The following ANKRD2 variants were observed in gnomAD, a reference collection of about 807,000 sequenced individuals.
ANKRD2 encodes the protein ankyrin repeat domain-containing protein 2.
Under a neutral mutation model 37.3 loss-of-function variants are expected in ANKRD2, and 35 were observed. That is an observed-to-expected ratio of 0.94 (90% confidence interval 0.72 to 1.24). ANKRD2 has a LOEUF of 1.24. Among genes scored for constraint, ANKRD2 ranks in the 50% most tolerant of loss-of-function variants. The probability of loss-of-function intolerance (pLI) is 0.00; values close to 1 mark genes in which losing one functional copy is unlikely to be tolerated. For synonymous variants in ANKRD2, 159 were observed against 186.5 expected, an observed-to-expected ratio of 0.85 and a Z score of 1.20; for missense variants, 410 against 445.6, an observed-to-expected ratio of 0.92 and a Z score of 0.72.
intron 2 of ANKRD2, 96 bp from the exon 3 acceptor site, chr10:97,578,144 G>GCCCCCCCCCCCCCCCCCC: frequency 2.9e-6 from 2 of 685,444 alleles, no homozygotes; most frequent in East Asian, 2.7e-5. Flanking sequence ...GGGTCTTCCT[G>GCCCCCCCCCCCCCCCCCC]CCCACCCCAC....
At chr10:97,582,743 A>C in intron 8 of ANKRD2, 41 bp downstream of exon 8, 1 of 1,584,418 alleles carries the variant, frequency 6.3e-7, no homozygotes, top group South Asian at 1.1e-5. Flanking sequence ...TGGCGTGAGC[A>C]CTCATACAGT....
rs185681198 is a variant in ANKRD2 at position 97,577,777 on chromosome 10, A to C, written c.88-23A>C. 3 of 1,535,988 alleles carry C rather than the reference A, an allele frequency of 2.0e-6. No homozygotes were observed. In the African/African-American group the frequency reaches 4.1e-5, roughly 21 times the overall value. On this transcript the variant is annotated intron_variant, in intron 1 of 8. Transcript: ENST00000370655. Reference sequence around the variant, plus strand: ...TGCCTGTCTCCTCGGGTCCTGGAGAAGGTGCCCTCTTTGGATCACCAGAAA... The same window carrying C: ...TGCCTGTCTCCTCGGGTCCTGGAGACGGTGCCCTCTTTGGATCACCAGAAA...
At chr10:97,572,958 A>T (rs1006614616) in intron 1 of ANKRD2, 83 bp downstream of exon 1, 1 of 1,478,778 alleles carries the variant, frequency 6.8e-7, no homozygotes, top group Non-Finnish European at 9.1e-7. Flanking sequence ...TGTCTGCTAC[A>T]CCTGTGGTGG....
At chr10:97,578,036 T>C in intron 2 of ANKRD2, 135 bp downstream of exon 2, 1 of 1,079,704 alleles carries the variant, frequency 9.3e-7, no homozygotes. Context: ...CTGCAGAATC[T>C]CCGCCCCGTC....
chr10:97,577,198 C>G (rs975605197), intron 1 of ANKRD2, among the ~76,000 whole-genome samples: 1 of 151,872 alleles, frequency 6.6e-6, no homozygotes, highest in Middle Eastern at 3.4e-3. Flanking sequence ...AAGATGGGGT[C>G]TCACTATATT....
At chr10:97,577,967 CCT>C (rs1344870677) in intron 2 of ANKRD2, 66 bp downstream of exon 2, 2 of 1,441,152 alleles carry the variant, frequency 1.4e-6, no homozygotes, top group African/African-American at 2.8e-5. Context: ...CCTGTCTGCA[CCT>C]CTCCCCACGT....
intron 1 of ANKRD2, among the ~76,000 whole-genome samples, chr10:97,576,918 G>A (rs931659843): frequency 6.6e-6 from 1 of 151,886 alleles, no homozygotes; most frequent in African/African-American, 2.4e-5. Flanking sequence ...GGCTGGTCTC[G>A]AACTCCTGGG....
chr10:97,581,548 C>A (rs757277307), intron 6 of ANKRD2, 134 bp downstream of exon 6: 14 of 885,664 alleles, frequency 1.6e-5, no homozygotes, highest in Non-Finnish European at 2.4e-5. Context: ...AGCAGGGAAG[C>A]TAAAACAGTG....
chr10:97,582,015 A>T (rs139906184), intron 6 of ANKRD2, among the ~76,000 whole-genome samples: 1 of 152,356 alleles, frequency 6.6e-6, no homozygotes, highest in African/African-American at 2.4e-5. Context: ...TGTCCATTAC[A>T]TAGTCATCTC....
intron 1 of ANKRD2, among the ~76,000 whole-genome samples, chr10:97,576,712 T>TTTATTTA (rs2040831110): frequency 6.4e-5 from 2 of 31,154 alleles, no homozygotes; most frequent in East Asian, 1.4e-3. Flanking sequence ...TTATTTATTT[T>TTTATTTA]TTGAGACCGA....
chr10:97,579,164 A>G (rs73332755), intron 4 of ANKRD2, among the ~76,000 whole-genome samples: 3,962 of 152,052 alleles, frequency 0.026, 156 homozygotes, highest in African/African-American at 0.085. Context: ...TATATAGATA[A>G]AGATATAGAT....
At chr10:97,573,188 C>T (rs1431756622) in intron 1 of ANKRD2, among the ~76,000 whole-genome samples, 3 of 152,126 alleles carry the variant, frequency 2.0e-5, no homozygotes, top group African/African-American at 7.2e-5. Context: ...CTGCCTGGGA[C>T]TTTCAGGAAT....
intron 4 of ANKRD2, among the ~76,000 whole-genome samples, chr10:97,580,401 G>T (rs917822356): frequency 6.6e-6 from 1 of 152,180 alleles, no homozygotes; most frequent in African/African-American, 2.4e-5. Context: ...TGTTCATGCT[G>T]GCCTTGTGCT....
Position 97,572,815 on chromosome 10 carries a change from G to A in ANKRD2, c.27G>A (p.Glu9=). The change falls in exon 1 of 9, where the codon GAG becomes GAA. Residue 9 remains glutamate, a synonymous_variant. Coordinates refer to ENST00000370655, the MANE Select transcript of ANKRD2 (RefSeq NM_001346793.2). MDGTMEDS[E]AVQRATALIE... ...TGGACGGCACCATGGAGGACTCCGA[G>A]GCGGTGCAGAGGGCCACAGCGCTCA... is the stretch of plus-strand genomic sequence containing the variant. The A allele has an allele frequency of 6.4e-7, 1 of 1,571,932 alleles. No homozygotes were observed. Among genetic ancestry groups the A allele is most frequent in the Non-Finnish European group, 8.6e-7 (1 of 1,158,916 alleles).
At chr10:97,582,798 TG>T in intron 8 of ANKRD2, 96 bp downstream of exon 8, 1 of 1,098,966 alleles carries the variant, frequency 9.1e-7, no homozygotes, top group South Asian at 1.3e-5. Context: ...CCTAGGGACA[TG>T]TATCATTGGC....
chr10:97,583,063 C>T (rs536385942), intron 8 of ANKRD2, among the ~76,000 whole-genome samples: 25 of 152,280 alleles, frequency 1.6e-4, no homozygotes, highest in African/African-American at 5.1e-4. Context: ...TTCCTAGCAC[C>T]CCATGTCAGC....
In ANKRD2 at chr10:97,577,977, C is replaced by A. The variant is rs2040846293; in HGVS notation, c.189+76C>A. On this transcript the variant is annotated intron_variant, in intron 2 of 8. Transcript: ENST00000370655. Reference sequence around the variant, plus strand: ...CATGGCCTGTCTGCACCTCTCCCCACGTGGCCCATGGACCAGCAGTTCAGC... The same window carrying A: ...CATGGCCTGTCTGCACCTCTCCCCAAGTGGCCCATGGACCAGCAGTTCAGC... 14 of 1,392,990 alleles carry A rather than the reference C, an allele frequency of 1.0e-5. No individual in the cohort carries two copies. The South Asian group carries it at 1.8e-4, about 18-fold the overall frequency. 86.3% of individuals were successfully genotyped at this position (1,392,990 alleles called of 1,614,324 possible). A position where few individuals can be genotyped will look rare whatever the true frequency, so the allele number is the denominator to read the frequency against.
rs1414426714 is a variant in ANKRD2 at position 97,581,192 on chromosome 10, A to C, written c.556-124A>C. The C allele has an allele frequency of 3.3e-5, 33 of 1,009,134 alleles. No individual in the cohort carries two copies. In the East Asian group the frequency reaches 7.5e-4, roughly 23 times the overall value. 62.5% of individuals were successfully genotyped at this position (1,009,134 alleles called of 1,614,324 possible). ...TTCTGTTCCACTTGGTCCATTGCCCATGCCCAGGCCTGCTCCCTGTACCTT... is the reference window on the plus strand; with the variant it reads ...TTCTGTTCCACTTGGTCCATTGCCCCTGCCCAGGCCTGCTCCCTGTACCTT... On this transcript the variant is annotated intron_variant, in intron 5 of 8. Coordinates refer to ENST00000370655, the MANE Select transcript of ANKRD2 (RefSeq NM_001346793.2).
chr10:97,581,474 G>A lies in ANKRD2; in HGVS notation c.654+60G>A. ...GGGTGGCTGTGGGGAGAAAGGCAGG[G>A]GTCCAAGGGCAGGAAAGCCTAGGGG... On this transcript the variant is annotated intron_variant, in intron 6 of 8. Coordinates refer to ENST00000370655, the MANE Select transcript of ANKRD2 (RefSeq NM_001346793.2). 2.6e-6 allele frequency: 4 copies of A among 1,552,826 alleles called. No individual in the cohort carries two copies. In the South Asian group the frequency reaches 4.5e-5, roughly 18 times the overall value.
Sources: gnomAD v4.1 joint callset for allele counts (sites outside exome capture counted in the v4.1 genomes callset) on GRCh38, gnomAD v4.1.1 for gene constraint, MANE v1.5 for transcripts, NCBI Gene and HGNC (gene_info 2026-07-23, HGNC 2026-07-21) for gene names.